ANKRD11: variants seen among roughly 807,000 people sequenced by gnomAD.
ANKRD11 encodes the protein ankyrin repeat domain-containing protein 11.
Under a neutral mutation model 195.7 loss-of-function variants are expected in ANKRD11, and 17 were observed. The ratio of observed to expected loss-of-function variants is 0.09; its 90% confidence interval spans 0.06 to 0.13. ANKRD11 has a LOEUF of 0.13. Among genes scored for constraint, ANKRD11 ranks in the 10% least tolerant of loss-of-function variants. The pLI is 1.00. For synonymous variants in ANKRD11, 1,953 were observed against 1,528.1 expected (o/e 1.28, Z -6.49); for missense variants, 3,735 against 3,566.1 (o/e 1.05, Z -1.21).
intron 2 of ANKRD11, among the ~76,000 whole-genome samples, chr16:89,344,977 C>T (rs996688675): frequency 3.3e-5 from 5 of 152,306 alleles, no homozygotes; most frequent in African/African-American, 1.2e-4. Context: ...GGAAAAAGCA[C>T]AAACACAGCA....
intron 2 of ANKRD11, among the ~76,000 whole-genome samples, chr16:89,399,584 G>C (rs1283290765): frequency 6.6e-6 from 1 of 152,084 alleles, no homozygotes; most frequent in Non-Finnish European, 1.5e-5. Flanking sequence ...CCACAACGGT[G>C]GGTCCACATC....
chr16:89,407,105 G>C (rs1227563951), intron 2 of ANKRD11, among the ~76,000 whole-genome samples: 1 of 152,044 alleles, frequency 6.6e-6, no homozygotes, highest in Non-Finnish European at 1.5e-5. Context: ...TGAAGCCCAG[G>C]TACTCGGGAG....
chr16:89,284,192 C>G lies in ANKRD11; in HGVS notation c.2350G>C (p.Glu784Gln), dbSNP rs2034483683. 1 of 1,610,894 alleles carries G rather than the reference C, an allele frequency of 6.2e-7. No individual in the cohort carries two copies. The highest frequency in any genetic ancestry group is 1.3e-5 in the African/African-American group (1 of 74,656). Residue 784 changes from glutamate (E) to glutamine (Q), a missense_variant, in exon 9 of 13, where the codon GAG becomes CAG. By Grantham distance (29) the Glu-to-Gln change is conservative. Coordinates refer to ENST00000301030, the MANE Select transcript of ANKRD11 (RefSeq NM_013275.6). ...TCCTTCTCTTTTGAAATTTTGTCCT[C>G]TTTTAAATCATTCTTCTTCTCTAAT... is the stretch of plus-strand genomic sequence containing the variant. ...SKLEKKNDLK[E>Q]DKISKEKEKI...
At chr16:89,450,960 A>T (rs1231597796) in intron 1 of ANKRD11, among the ~76,000 whole-genome samples, 2 of 152,212 alleles carry the variant, frequency 1.3e-5, no homozygotes, top group Non-Finnish European at 2.9e-5. Context: ...GCTAAGAGTT[A>T]TGGCCTAAAT....
At chr16:89,375,089 C>A (rs1053435512) in intron 2 of ANKRD11, among the ~76,000 whole-genome samples, 1 of 151,954 alleles carries the variant, frequency 6.6e-6, no homozygotes, top group African/African-American at 2.4e-5. Flanking sequence ...CGTAAACAAA[C>A]GTAACGTCGC....
At chr16:89,483,830 G>T (rs963871363) in intron 1 of ANKRD11, among the ~76,000 whole-genome samples, 1 of 148,894 alleles carries the variant, frequency 6.7e-6, no homozygotes, top group Non-Finnish European at 1.5e-5. Flanking sequence ...AAAAAAAAAA[G>T]AAAGAAAATG....
At chr16:89,423,360 GCA>G (rs2042591154) in intron 1 of ANKRD11, among the ~76,000 whole-genome samples, 1 of 152,218 alleles carries the variant, frequency 6.6e-6, no homozygotes, top group African/African-American at 2.4e-5. Flanking sequence ...GCTCCGAACG[GCA>G]GTCACACCAG....
chr16:89,423,856 C>A (rs1055172055), intron 1 of ANKRD11, among the ~76,000 whole-genome samples: 5 of 152,070 alleles, frequency 3.3e-5, no homozygotes, highest in African/African-American at 1.2e-4. Flanking sequence ...TAGAAGGTCA[C>A]AATAAGCGAA....
intron 2 of ANKRD11, among the ~76,000 whole-genome samples, chr16:89,371,366 G>A (rs1040163961): frequency 4.6e-5 from 7 of 152,218 alleles, no homozygotes; most frequent in African/African-American, 1.7e-4. Flanking sequence ...TCTACCATTT[G>A]GTGTCGTTTT....
intron 3 of ANKRD11, among the ~76,000 whole-genome samples, chr16:89,305,694 TCCCACTCC>T (rs1567615266): frequency 2.3e-5 from 2 of 86,010 alleles, no homozygotes; most frequent in Admixed American, 1.1e-4. Context: ...ACGCGCCACC[TCCCACTCC>T]GCAGACACGC....
chr16:89,298,001 A>G lies in ANKRD11; in HGVS notation c.227-6818T>C, dbSNP rs1000640829. 3.6e-5 allele frequency: 5 copies of G among 137,096 alleles called. No individual in the cohort carries two copies. The Admixed American group carries it at 3.8e-4, about 10-fold the overall frequency. The allele number at this position is 137,096 out of a possible 1,614,324, so 8.5% of individuals were successfully genotyped here. On this transcript the variant is annotated intron_variant, in intron 4 of 12. Coordinates refer to ENST00000301030, the MANE Select transcript of ANKRD11 (RefSeq NM_013275.6). ...TCCAGCCCTTGCCTGCACAACCTCC[A>G]TGCCTTCCCCATCTCCAGGCCGGGG...
At chr16:89,428,922 C>T (rs1435598818) in intron 1 of ANKRD11, among the ~76,000 whole-genome samples, 2 of 152,238 alleles carry the variant, frequency 1.3e-5, no homozygotes, top group East Asian at 1.9e-4. Context: ...AATAAGAATA[C>T]ACCACTGTCC....
intron 2 of ANKRD11, among the ~76,000 whole-genome samples, chr16:89,353,516 C>A (rs1394152393): frequency 1.3e-5 from 2 of 152,004 alleles, no homozygotes; most frequent in Admixed American, 1.3e-4. Flanking sequence ...CTTACTGTGT[C>A]ACCCAGGCTG....
chr16:89,333,327 G>T (rs562661304), intron 2 of ANKRD11, among the ~76,000 whole-genome samples: 1 of 152,218 alleles, frequency 6.6e-6, no homozygotes, highest in Admixed American at 6.5e-5. Context: ...GCATCCCCAC[G>T]AGAGTGGCCG....
chr16:89,470,050 C>A (rs2057022560), intron 1 of ANKRD11, among the ~76,000 whole-genome samples: 3 of 151,072 alleles, frequency 2.0e-5, no homozygotes, highest in Admixed American at 2.0e-4. Context: ...GGACTACAGG[C>A]GCCCGCCACC....
At chr16:89,397,291 C>T (rs892837017) in intron 2 of ANKRD11, among the ~76,000 whole-genome samples, 1 of 152,244 alleles carries the variant, frequency 6.6e-6, no homozygotes, top group Non-Finnish European at 1.5e-5. Flanking sequence ...CAAGAACCCC[C>T]TCAGGGCAAG....
chr16:89,468,398 T>C (rs1225088105), intron 1 of ANKRD11, among the ~76,000 whole-genome samples: 1 of 152,066 alleles, frequency 6.6e-6, no homozygotes, highest in Non-Finnish European at 1.5e-5. Flanking sequence ...CGATTTGCTG[T>C]TACCAACAGA....
intron 1 of ANKRD11, among the ~76,000 whole-genome samples, chr16:89,447,032 C>T (rs1270036526): frequency 6.6e-6 from 1 of 152,126 alleles, no homozygotes. Flanking sequence ...CTGCCACCAA[C>T]TGAATGCCTG....
At chr16:89,441,532 C>T (rs1481814140) in intron 1 of ANKRD11, among the ~76,000 whole-genome samples, 1 of 152,062 alleles carries the variant, frequency 6.6e-6, no homozygotes, top group Non-Finnish European at 1.5e-5. Context: ...CTTTGGGAGG[C>T]CAAGGCGGGC....
Sources: allele counts gnomAD v4.1 joint callset (sites outside exome capture counted in the v4.1 genomes callset), GRCh38; gene constraint gnomAD v4.1.1; transcripts MANE v1.5; gene names NCBI Gene and HGNC (gene_info 2026-07-23, HGNC 2026-07-21).